MYO1E: variants seen among roughly 807,000 people sequenced by gnomAD.
The protein encoded by MYO1E is unconventional myosin-Ie.
Under a neutral mutation model 151.1 loss-of-function variants are expected in MYO1E, and 68 were observed. The ratio of observed to expected loss-of-function variants is 0.45; its 90% CI spans 0.37 to 0.55. MYO1E has a LOEUF of 0.55. Among genes scored for constraint, MYO1E ranks in the 20% least tolerant of loss-of-function variants. The pLI is 0.00. For missense variants in MYO1E, 1,363 were observed against 1,389.3 expected, an observed-to-expected ratio of 0.98 and a Z score of 0.30; for synonymous variants, 601 against 501.7, an observed-to-expected ratio of 1.20 and a Z score of -2.64.
chr15:59,289,902 T>A lies in MYO1E; in HGVS notation c.4-17453A>T, dbSNP rs181074890. On this transcript the variant is annotated intron_variant, in intron 1 of 27. Coordinates refer to ENST00000288235, the MANE Select transcript of MYO1E (RefSeq NM_004998.4). Reference sequence around the variant, plus strand: ...TTTGCATTTCCTTCTCCAAGAATACTTACTTCTCATTGTATCTGTGAAATA... The same window carrying A: ...TTTGCATTTCCTTCTCCAAGAATACATACTTCTCATTGTATCTGTGAAATA... Among the ~76,000 whole-genome samples the A allele has an allele frequency of 5.0e-3, 768 of 152,312 alleles. 5 individuals carry two copies. The highest frequency in any genetic ancestry group is 0.018 in the African/African-American group (741 of 41,576).
intron 1 of MYO1E, among the ~76,000 whole-genome samples, chr15:59,353,091 C>T (rs28565915): frequency 0.013 from 1,929 of 152,294 alleles, 38 homozygotes; most frequent in African/African-American, 0.043. Flanking sequence ...CTTCAACCTT[C>T]ACATTTCCCT....
chr15:59,341,982 A>G (rs2080768345), intron 1 of MYO1E, among the ~76,000 whole-genome samples: 1 of 152,060 alleles, frequency 6.6e-6, no homozygotes, highest in Non-Finnish European at 1.5e-5. Flanking sequence ...TTATATTTCC[A>G]CCAACGGTGT....
intron 17 of MYO1E, among the ~76,000 whole-genome samples, chr15:59,194,133 C>T (rs1489641063): frequency 4.6e-5 from 7 of 151,436 alleles, no homozygotes; most frequent in East Asian, 1.9e-4. Flanking sequence ...AAGATCATGC[C>T]GCTGCACTCC....
chr15:59,362,886 A>C (rs2080893152), intron 1 of MYO1E, among the ~76,000 whole-genome samples: 1 of 152,206 alleles, frequency 6.6e-6, no homozygotes, highest in South Asian at 2.1e-4. Context: ...TTTAAGAATT[A>C]AACAACTAAA....
chr15:59,132,690 AT>A lies in MYO1E; in HGVS notation c.*4689del, dbSNP rs2079352176. ...TCTGAACGTGGGTGCTTTGGGTTTGATTTTAAGTAGTGGTGATCTCTATACT... is the reference window on the plus strand; with the variant it reads ...TCTGAACGTGGGTGCTTTGGGTTTGATTTAAGTAGTGGTGATCTCTATACT... On this transcript the variant is annotated 3_prime_UTR_variant, in exon 28 of 28. Transcript: ENST00000288235. The A allele has an allele frequency of 6.6e-6, 1 of 152,210 alleles. No individual in the cohort carries two copies. Among genetic ancestry groups the A allele is most frequent in the Non-Finnish European group, 1.5e-5 (1 of 68,032 alleles). The allele number at this position is 152,210 out of a possible 1,614,324, so 9.4% of individuals were successfully genotyped here. A position where few individuals can be genotyped will look rare whatever the true frequency, so the allele number is the denominator to read the frequency against.
chr15:59,224,811 C>T lies in MYO1E; in HGVS notation c.655G>A (p.Ala219Thr), dbSNP rs769235009. The T allele has an allele frequency of 1.3e-5, 21 of 1,614,090 alleles. No homozygotes were observed. The East Asian group carries it at 1.3e-4, about 10-fold the overall frequency. The part of the protein sequence containing the change: ...FHIFYQLIEG[A>T]SAEQKHSLGI... ...AGGCTGTGTTTCTGCTCTGCAGAGG[C>T]GCCCTCGATGAGCTGGAGCAAGAGA... Residue 219 changes from alanine to threonine, a missense_variant, in exon 8 of 28, where the codon GCC becomes ACC. Physicochemically the swap from Ala to Thr is moderately conservative, Grantham distance 58. Coordinates refer to ENST00000288235, the MANE Select transcript of MYO1E (RefSeq NM_004998.4).
chr15:59,356,647 G>A (rs1220436009), intron 1 of MYO1E, among the ~76,000 whole-genome samples: 8 of 151,990 alleles, frequency 5.3e-5, no homozygotes, highest in South Asian at 2.1e-4. Flanking sequence ...CTGCAATCTC[G>A]GCTCACTGCA....
intron 26 of MYO1E, among the ~76,000 whole-genome samples, chr15:59,149,307 C>G (rs146994350): frequency 6.6e-6 from 1 of 152,092 alleles, no homozygotes; most frequent in African/African-American, 2.4e-5. Flanking sequence ...CCACCCACCT[C>G]GGCCTCCCAA....
intron 4 of MYO1E, among the ~76,000 whole-genome samples, chr15:59,242,722 T>C (rs1488659547): frequency 1.3e-5 from 2 of 151,966 alleles, no homozygotes; most frequent in Non-Finnish European, 2.9e-5. Context: ...AAAATACACA[T>C]CCTAAAAGAA....
At chr15:59,241,039 G>T (rs1035156940) in intron 4 of MYO1E, among the ~76,000 whole-genome samples, 4 of 152,190 alleles carry the variant, frequency 2.6e-5, no homozygotes, top group African/African-American at 9.7e-5. Flanking sequence ...AGCTATCCCT[G>T]ATCAGAAGAT....
At position 59,218,034 on chromosome 15, in the gene MYO1E, T is replaced by C. The variant is rs1566982425; in HGVS notation, c.964A>G (p.Lys322Glu). 5 of 1,614,216 alleles carry C rather than the reference T, an allele frequency of 3.1e-6. No homozygotes were observed. The highest frequency in any genetic ancestry group is 4.2e-6 in the Non-Finnish European group (5 of 1,180,042). Residue 322 changes from lysine (K) to glutamate (E), a missense_variant, in exon 10 of 28, where the codon AAG becomes GAG. Physicochemically the swap from Lys to Glu is moderately conservative, Grantham distance 56. Transcript: ENST00000288235. ...LGINQDRLKE[K>E]LTSRQMDSKW... ...CTATCCATCTGCCGGCTTGTTAGCTTTTCTTTCAACCGGTCCTGGTTTATC... is the reference window on the plus strand; with the variant it reads ...CTATCCATCTGCCGGCTTGTTAGCTCTTCTTTCAACCGGTCCTGGTTTATC...
intron 26 of MYO1E, among the ~76,000 whole-genome samples, chr15:59,141,337 C>T (rs533890388): frequency 2.0e-5 from 3 of 152,326 alleles, no homozygotes; most frequent in African/African-American, 7.2e-5. Flanking sequence ...TCCACAGACA[C>T]GTCCCTCATA....
intron 1 of MYO1E, among the ~76,000 whole-genome samples, chr15:59,338,992 C>T (rs572580690): frequency 1.2e-4 from 18 of 152,224 alleles, no homozygotes; most frequent in South Asian, 8.3e-4. Flanking sequence ...ATTAGCCAGG[C>T]GTGGTGGCAC....
intron 1 of MYO1E, among the ~76,000 whole-genome samples, chr15:59,277,045 G>A (rs560279228): frequency 6.6e-6 from 1 of 152,252 alleles, no homozygotes; most frequent in South Asian, 2.1e-4. Context: ...GCCTTCAAAT[G>A]CCCAGAAAAG....
intron 9 of MYO1E, among the ~76,000 whole-genome samples, chr15:59,219,456 A>G (rs922739837): frequency 6.6e-6 from 1 of 152,252 alleles, no homozygotes; most frequent in Admixed American, 6.5e-5. Flanking sequence ...AAGCCTCCCA[A>G]TAAAGGATAA....
In MYO1E at chr15:59,136,751, C is replaced by T. The variant is rs1255230198; in HGVS notation, c.*629G>A. ...GACCCAGAGAAAGCAAAGCCAGCAG[C>T]CCAGCCCCCAGCCCCCAGCCCCTGA... On this transcript the variant is annotated 3_prime_UTR_variant, in exon 28 of 28. Coordinates refer to ENST00000288235, the MANE Select transcript of MYO1E (RefSeq NM_004998.4). 3 of 452,654 alleles carry T rather than the reference C, an allele frequency of 6.6e-6. No homozygotes were observed. Among genetic ancestry groups the T allele is most frequent in the Non-Finnish European group, 1.3e-5 (3 of 226,760 alleles). The allele number at this position is 452,654 out of a possible 1,614,324, so 28.0% of individuals were successfully genotyped here.
At chr15:59,212,009 CCCTCAAAATT>C (rs2079882219) in intron 12 of MYO1E, among the ~76,000 whole-genome samples, 1 of 152,130 alleles carries the variant, frequency 6.6e-6, no homozygotes, top group Admixed American at 6.5e-5. Flanking sequence ...TGTCACTCCT[CCCTCAAAATT>C]CTTCAGTGGG....
At chr15:59,369,337 G>C (rs1299356639) in intron 1 of MYO1E, among the ~76,000 whole-genome samples, 2 of 152,146 alleles carry the variant, frequency 1.3e-5, no homozygotes, top group African/African-American at 2.4e-5. Context: ...GGTCAATTCA[G>C]ATTTGCTCAA....
intron 22 of MYO1E, 90 bp downstream of exon 22, chr15:59,171,807 A>G (rs1363672321): frequency 1.3e-6 from 2 of 1,552,300 alleles, no homozygotes; most frequent in African/African-American, 1.4e-5. Flanking sequence ...TGGGAAGCCC[A>G]GCCCGGCCTT....
Sources: gnomAD v4.1 joint callset for allele counts (sites outside exome capture counted in the v4.1 genomes callset) on GRCh38, gnomAD v4.1.1 for gene constraint, MANE v1.5 for transcripts, NCBI Gene and HGNC (gene_info 2026-07-23, HGNC 2026-07-21) for gene names.